The following GUCY2F variants were observed in gnomAD, a reference collection of about 807,000 sequenced individuals.
GUCY2F encodes guanylate cyclase 2F, retinal, also known as retinal guanylyl cyclase 2.
GUCY2F carries 61 observed loss-of-function variants against 73.1 expected under a neutral mutation model. The ratio of observed to expected loss-of-function variants is 0.83; its 90% confidence interval spans 0.68 to 1.03. The LOEUF (loss-of-function observed/expected upper bound fraction) is 1.03, where lower values mean the gene tolerates loss of function less well. Ranked by LOEUF, GUCY2F falls within the 50% of genes least tolerant of loss-of-function variation. GUCY2F has a pLI of 0.00. For synonymous variants in GUCY2F, 331 were observed against 307.8 expected (o/e 1.08, Z -0.79); for missense variants, 912 against 854.3 (o/e 1.07, Z -0.84).
chrX:109,423,544 T>A (rs1225541925), intron 8 of GUCY2F, among the ~76,000 whole-genome samples: 1 of 109,131 alleles, frequency 9.2e-6, no homozygotes, highest in Non-Finnish European at 1.9e-5. Flanking sequence ...AATGTTATAC[T>A]ATTTTGTTTA....
chrX:109,432,602 T>G (rs1278784486), intron 7 of GUCY2F, among the ~76,000 whole-genome samples: 1 of 112,089 alleles, frequency 8.9e-6, no homozygotes, highest in East Asian at 2.8e-4. Flanking sequence ...ATTTAAAAAA[T>G]CTTAACTTTG....
chrX:109,401,750 C>T (rs1356748443), intron 10 of GUCY2F, among the ~76,000 whole-genome samples: 1 of 110,662 alleles, frequency 9.0e-6, no homozygotes, highest in Non-Finnish European at 1.9e-5. Context: ...GCATAGGGGT[C>T]ATGGAAAGCC....
At position 109,440,989 on chromosome X, in the gene GUCY2F, C is replaced by T. The variant is rs776428154; in HGVS notation, c.1701+362G>A. ...GGTACCCCAAACCCTGCCATGCACA[C>T]GCATGTCTCTAGACATCTCATTACA... On this transcript the variant is annotated intron_variant, in intron 7 of 19. Coordinates refer to ENST00000218006, the MANE Select transcript of GUCY2F (RefSeq NM_001522.3). 2.1e-4 allele frequency among the ~76,000 whole-genome samples: 24 copies of T among 112,042 alleles called. 1 individual carries two copies. Among genetic ancestry groups the T allele is most frequent in the African/African-American group, 7.1e-4 (22 of 30,900 alleles).
rs1375223751 is a variant in GUCY2F at position 109,409,179 on chromosome X, G to C, written c.1792-11C>G. On this transcript the variant is annotated splice_polypyrimidine_tract_variant and intron_variant, in intron 8 of 19. Coordinates refer to ENST00000218006, the MANE Select transcript of GUCY2F (RefSeq NM_001522.3). ...ACGCAAGTCCTTCATCTGGAAATGA[G>C]AGACAGAAATGAGAGTCACAGCTGT... The C allele has an allele frequency of 2.0e-6, 2 of 1,023,849 alleles. No individual in the cohort carries two copies. The highest frequency in any genetic ancestry group is 3.0e-5 in the East Asian group (1 of 32,977). 84.4% of individuals were successfully genotyped at this position (1,023,849 alleles called of 1,213,427 possible).
rs1342054888 is a variant in GUCY2F at position 109,373,887 on chromosome X, G to A, written c.*2-888C>T. Among the ~76,000 whole-genome samples, 9 of 112,493 alleles carry A rather than the reference G, an allele frequency of 8.0e-5. No homozygotes were observed. The Admixed American group carries it at 8.4e-4, about 11-fold the overall frequency. ...GGGGACACAAGATAAGAGTTATCAG[G>A]TGACGTGTAGGGCCCTGCTTCAGAG... On this transcript the variant is annotated intron_variant, in intron 19 of 19. Coordinates refer to ENST00000218006, the MANE Select transcript of GUCY2F (RefSeq NM_001522.3).
intron 19 of GUCY2F, among the ~76,000 whole-genome samples, chrX:109,375,427 T>C (rs1930154247): frequency 9.0e-6 from 1 of 111,240 alleles, no homozygotes; most frequent in African/African-American, 3.3e-5. Flanking sequence ...TTGAAAGGGA[T>C]CAGGCAGTGC....
chrX:109,467,174 A>G (rs764099211), intron 2 of GUCY2F, among the ~76,000 whole-genome samples: 37 of 112,393 alleles, frequency 3.3e-4, no homozygotes, highest in African/African-American at 1.2e-3. Context: ...AGTGCCAGAG[A>G]TGTTTGACAA....
intron 11 of GUCY2F, among the ~76,000 whole-genome samples, chrX:109,397,456 T>C (rs1930735982): frequency 1.8e-5 from 2 of 112,106 alleles, no homozygotes; most frequent in African/African-American, 6.5e-5. Context: ...AAAGTTTTTA[T>C]TTTGAAAAAA....
chrX:109,376,253 G>T (rs758772225), intron 17 of GUCY2F, 86 bp from the exon 18 acceptor site: 2 of 640,717 alleles, frequency 3.1e-6, no homozygotes, highest in South Asian at 5.2e-5. Flanking sequence ...CTCAGAAATT[G>T]CCTCACCACT....
chrX:109,379,485 A>C (rs1289131231), intron 17 of GUCY2F, among the ~76,000 whole-genome samples: 1 of 112,495 alleles, frequency 8.9e-6, no homozygotes, highest in Non-Finnish European at 1.9e-5. Context: ...TTTGTACCCC[A>C]TAAAGTACAC....
intron 8 of GUCY2F, among the ~76,000 whole-genome samples, chrX:109,409,592 C>T (rs1302901869): frequency 9.0e-6 from 1 of 111,298 alleles, no homozygotes; most frequent in East Asian, 2.8e-4. Context: ...TATAGTTTTG[C>T]TGTGTCCCCA....
intron 8 of GUCY2F, among the ~76,000 whole-genome samples, chrX:109,420,602 T>C (rs1338140216): frequency 1.8e-5 from 2 of 111,754 alleles, no homozygotes; most frequent in African/African-American, 6.5e-5. Context: ...ATAAAGAATG[T>C]CTGTAATTTA....
At chrX:109,474,412 G>A (rs1178818782) in intron 2 of GUCY2F, among the ~76,000 whole-genome samples, 1 of 111,505 alleles carries the variant, frequency 9.0e-6, no homozygotes, top group African/African-American at 3.3e-5. Context: ...CCATAAGTGT[G>A]AGTAAAAGAG....
rs370014568 is a variant in GUCY2F, at chrX:109,409,183, C to A, written c.1792-15G>T. 78 of 986,601 alleles carry A rather than the reference C, an allele frequency of 7.9e-5. No individual in the cohort carries two copies. In the South Asian group the frequency reaches 1.2e-3, roughly 15 times the overall value. The allele number at this position is 986,601 out of a possible 1,213,427, so 81.3% of individuals were successfully genotyped here. A position where few individuals can be genotyped will look rare whatever the true frequency, so the allele number is the denominator to read the frequency against. ...AAGTCCTTCATCTGGAAATGAGAGA[C>A]AGAAATGAGAGTCACAGCTGTCCTG... is the stretch of plus-strand genomic sequence containing the variant. On this transcript the variant is annotated splice_polypyrimidine_tract_variant and intron_variant, in intron 8 of 19. Coordinates refer to ENST00000218006, the MANE Select transcript of GUCY2F (RefSeq NM_001522.3).
rs1340554056 is a variant in GUCY2F, at chrX:109,463,197, G to T, written c.1032+1945C>A. Among the ~76,000 whole-genome samples the T allele has an allele frequency of 3.6e-5, 4 of 111,511 alleles. No homozygotes were observed. The East Asian group carries it at 1.1e-3, about 31-fold the overall frequency. On this transcript the variant is annotated intron_variant, in intron 3 of 19. Coordinates refer to ENST00000218006, the MANE Select transcript of GUCY2F (RefSeq NM_001522.3). The stretch of plus-strand genomic sequence containing the variant: ...GATGAAATAAAGGACAGATAAAAAA[G>T]AATATGAATATCAGACACAATCAAC...
At position 109,448,128 on chromosome X, in the gene GUCY2F, TG is replaced by T. The variant is rs1242563821; in HGVS notation, c.1509del (p.Asn504IlefsTer5). 3 of 1,123,557 alleles carry T rather than the reference TG, an allele frequency of 2.7e-6. No individual in the cohort carries two copies. The highest frequency in any genetic ancestry group is 3.7e-6 in the Non-Finnish European group (3 of 815,685). 92.6% of individuals were successfully genotyped at this position (1,123,557 alleles called of 1,213,427 possible). ...TCCTCCAAAGTCAGTAGAATTCTATTGGGTCCTTTGATCAACTGGATTTTAT... is the reference window on the plus strand; with the variant it reads ...TCCTCCAAAGTCAGTAGAATTCTATTGGTCCTTTGATCAACTGGATTTTAT... ...RINKIQLIKG[P>X]NRILLTLEDV... On this transcript the variant is annotated frameshift_variant, in exon 6 of 20. Coordinates refer to ENST00000218006, the MANE Select transcript of GUCY2F (RefSeq NM_001522.3). LOFTEE classifies it high-confidence loss of function.
intron 3 of GUCY2F, among the ~76,000 whole-genome samples, chrX:109,460,699 A>T (rs1435246486): frequency 8.9e-6 from 1 of 111,859 alleles, no homozygotes; most frequent in Non-Finnish European, 1.9e-5. Flanking sequence ...AGAGAAAGAA[A>T]GAGGCGTTTA....
intron 3 of GUCY2F, among the ~76,000 whole-genome samples, chrX:109,459,433 T>C (rs181994733): frequency 9.0e-6 from 1 of 111,214 alleles, no homozygotes; most frequent in East Asian, 2.8e-4. Flanking sequence ...GTCTGTGTAA[T>C]AAACATGTAG....
At chrX:109,466,781 G>T (rs1417854204) in intron 2 of GUCY2F, among the ~76,000 whole-genome samples, 1 of 111,960 alleles carries the variant, frequency 8.9e-6, no homozygotes, top group East Asian at 2.8e-4. Context: ...AGAACTAAGG[G>T]TGCTTAACTA....
Sources: gnomAD v4.1 joint callset for allele counts (sites outside exome capture counted in the v4.1 genomes callset) on GRCh38, gnomAD v4.1.1 for gene constraint, MANE v1.5 for transcripts, NCBI Gene and HGNC (gene_info 2026-07-23, HGNC 2026-07-21) for gene names.